The following DLGAP2 variants were observed in gnomAD, a reference collection of about 807,000 sequenced individuals.
DLGAP2 encodes the protein disks large-associated protein 2.
DLGAP2 carries 26 observed loss-of-function variants against 100.3 expected under a neutral mutation model. The observed-to-expected ratio is 0.26, with a 90% CI of 0.19 to 0.36. DLGAP2 has a LOEUF of 0.36. Among genes scored for constraint, DLGAP2 ranks in the 10% least tolerant of loss-of-function variants. The pLI, the probability that DLGAP2 is intolerant of heterozygous loss-of-function variation, is 1.00. For missense variants in DLGAP2, 1,858 were observed against 1,453.2 expected, an observed-to-expected ratio of 1.28 and a Z score of -4.53; for synonymous variants, 886 against 630.1, an observed-to-expected ratio of 1.41 and a Z score of -6.08.
In DLGAP2 at chr8:746,144, G is replaced by A. The variant is rs907567506; in HGVS notation, c.18+8319G>A. 5.3e-5 allele frequency among the ~76,000 whole-genome samples: 8 copies of A among 152,234 alleles called. No homozygotes were observed. In the East Asian group the frequency reaches 1.5e-3, roughly 29 times the overall value. On this transcript the variant is annotated intron_variant, in intron 1 of 14. Coordinates refer to ENST00000637795, the MANE Select transcript of DLGAP2 (RefSeq NM_001346810.2). ...TGCTTTCCTCCAAGCCTTCCCACAT[G>A]TGGAGCTTCTCAGAGAGACCAGGCC...
intron 3 of DLGAP2, among the ~76,000 whole-genome samples, chr8:1,348,659 G>T (rs1801628478): frequency 6.6e-6 from 1 of 152,196 alleles, no homozygotes; most frequent in Admixed American, 6.5e-5. Flanking sequence ...TGCTCTCATG[G>T]TGGCTGTGTG....
intron 2 of DLGAP2, among the ~76,000 whole-genome samples, chr8:947,442 G>C (rs544005110): frequency 1.8e-4 from 27 of 152,330 alleles, no homozygotes; most frequent in Admixed American, 1.7e-3. Flanking sequence ...CCTTACGTCC[G>C]CGCGGCTCAG....
intron 1 of DLGAP2, among the ~76,000 whole-genome samples, chr8:802,862 G>A (rs1224204284): frequency 6.6e-6 from 1 of 152,224 alleles, no homozygotes; most frequent in East Asian, 1.9e-4. Flanking sequence ...GTTTGCAGCA[G>A]TGAGCAGACT....
At chr8:1,560,872 G>A (rs1802133399) in intron 5 of DLGAP2, among the ~76,000 whole-genome samples, 1 of 152,238 alleles carries the variant, frequency 6.6e-6, no homozygotes, top group Non-Finnish European at 1.5e-5. Flanking sequence ...CCCCAGGCCT[G>A]TCTCTTACCT....
At chr8:1,106,834 C>T (rs1028443638) in intron 2 of DLGAP2, among the ~76,000 whole-genome samples, 4 of 152,252 alleles carry the variant, frequency 2.6e-5, no homozygotes, top group South Asian at 2.1e-4. Context: ...TTGTGAGTGA[C>T]ACCTGTGATG....
At chr8:1,413,816 C>T (rs1263967098) in intron 3 of DLGAP2, among the ~76,000 whole-genome samples, 3 of 152,230 alleles carry the variant, frequency 2.0e-5, no homozygotes, top group Non-Finnish European at 2.9e-5. Flanking sequence ...ACACGCCTGC[C>T]AGGTGGGCCT....
At chr8:818,222 A>G (rs1488914710) in intron 1 of DLGAP2, among the ~76,000 whole-genome samples, 1 of 152,034 alleles carries the variant, frequency 6.6e-6, no homozygotes, top group East Asian at 1.9e-4. Flanking sequence ...ATGAAGTTAT[A>G]TTCCCAGGGG....
At chr8:1,323,064 T>C (rs1800942742) in intron 3 of DLGAP2, among the ~76,000 whole-genome samples, 1 of 151,278 alleles carries the variant, frequency 6.6e-6, no homozygotes, top group Non-Finnish European at 1.5e-5. Context: ...AGAGTCTCGC[T>C]CTGTTACCCA....
At chr8:818,549 G>A (rs1198141606) in intron 1 of DLGAP2, among the ~76,000 whole-genome samples, 4 of 152,134 alleles carry the variant, frequency 2.6e-5, no homozygotes, top group African/African-American at 4.8e-5. Flanking sequence ...TTCCTAGTAT[G>A]TTCCTGCCGT....
At chr8:801,483 C>T (rs1232187482) in intron 1 of DLGAP2, among the ~76,000 whole-genome samples, 1 of 152,194 alleles carries the variant, frequency 6.6e-6, no homozygotes, top group Non-Finnish European at 1.5e-5. Flanking sequence ...ACTTTCAGAG[C>T]ATGTGCGTTA....
rs548087570 is a variant in DLGAP2, at chr8:1,081,362, G to A, written c.73+173396G>A. Among the ~76,000 whole-genome samples, 14 of 152,262 alleles carry A rather than the reference G, an allele frequency of 9.2e-5. 2 individuals are homozygous for A. In the South Asian group the frequency reaches 2.7e-3, roughly 29 times the overall value. ...TACATAAGAAAGGTTTTAAGAGAAA[G>A]TTTTTTTGAGATGGAATCTTGCTCT... On this transcript the variant is annotated intron_variant, in intron 2 of 14. Transcript: ENST00000637795.
At chr8:791,423 A>G (rs891499566) in intron 1 of DLGAP2, among the ~76,000 whole-genome samples, 4 of 152,200 alleles carry the variant, frequency 2.6e-5, no homozygotes, top group Non-Finnish European at 5.9e-5. Flanking sequence ...TCTAAAAAAT[A>G]TTGTAGATAT....
intron 1 of DLGAP2, among the ~76,000 whole-genome samples, chr8:816,066 TC>T (rs1476366875): frequency 9.9e-5 from 15 of 152,222 alleles, no homozygotes; most frequent in African/African-American, 3.6e-4. Flanking sequence ...ATGGAGTATT[TC>T]TTCCACCCCT....
chr8:1,337,426 G>GTGATGA (rs1189501545), intron 3 of DLGAP2, among the ~76,000 whole-genome samples: 3 of 26,238 alleles, frequency 1.1e-4, no homozygotes, highest in Non-Finnish European at 1.4e-4. Flanking sequence ...GAGGATGATG[G>GTGATGA]TGATGGTGAT....
chr8:1,671,347 G>A (rs1317475907), intron 10 of DLGAP2, among the ~76,000 whole-genome samples: 5 of 152,254 alleles, frequency 3.3e-5, no homozygotes, highest in African/African-American at 1.2e-4. Flanking sequence ...CATTCAATGG[G>A]ACTGGCTTCC....
chr8:1,633,139 T>A, intron 8 of DLGAP2, 93 bp downstream of exon 8: 1 of 1,174,794 alleles, frequency 8.5e-7, no homozygotes, highest in Non-Finnish European at 1.2e-6. Flanking sequence ...AGCACCACAG[T>A]ACAATGTACT....
chr8:1,477,571 C>G (rs901921499), intron 3 of DLGAP2, among the ~76,000 whole-genome samples: 1 of 152,148 alleles, frequency 6.6e-6, no homozygotes, highest in African/African-American at 2.4e-5. Context: ...ATCTTCAGAG[C>G]CTGTCTACTG....
In DLGAP2 at chr8:1,708,231, T is replaced by C. The variant is rs1799756874; in HGVS notation, c.*6825T>C. 1 of 152,222 alleles carries C rather than the reference T, an allele frequency of 6.6e-6. No individual in the cohort carries two copies. 9.4% of individuals were successfully genotyped at this position (152,222 alleles called of 1,614,324 possible). On this transcript the variant is annotated 3_prime_UTR_variant, in exon 15 of 15. Coordinates refer to ENST00000637795, the MANE Select transcript of DLGAP2 (RefSeq NM_001346810.2). ...ATTAAATTTTTTGAGAAAAGTAATGTTTACTTTTTTATTGGAGTGAATTCT... is the reference window on the plus strand; with the variant it reads ...ATTAAATTTTTTGAGAAAAGTAATGCTTACTTTTTTATTGGAGTGAATTCT...
chr8:1,211,866 C>T (rs932222612), intron 2 of DLGAP2, among the ~76,000 whole-genome samples: 3 of 152,198 alleles, frequency 2.0e-5, no homozygotes, highest in Non-Finnish European at 4.4e-5. Flanking sequence ...CAGAGCGAGA[C>T]TTCGTCTCAA....
Sources: gnomAD v4.1 joint callset for allele counts (sites outside exome capture counted in the v4.1 genomes callset) on GRCh38, gnomAD v4.1.1 for gene constraint, MANE v1.5 for transcripts, NCBI Gene and HGNC (gene_info 2026-07-23, HGNC 2026-07-21) for gene names.